The following EPHA5 variants were observed in gnomAD, a reference collection of about 807,000 sequenced individuals.
EPHA5 encodes EPH receptor A5.
Under a neutral mutation model 105.0 loss-of-function variants are expected in EPHA5, and 60 were observed. The observed-to-expected ratio is 0.57, with a 90% confidence interval of 0.46 to 0.71. EPHA5 has a LOEUF of 0.71. Among genes scored for constraint, EPHA5 ranks in the 30% least tolerant of loss-of-function variants. The pLI, the probability that EPHA5 is intolerant of heterozygous loss-of-function variation, is 0.00. For missense variants in EPHA5, 1,218 were observed against 1,274.7 expected, an observed-to-expected ratio of 0.96 and a Z score of 0.68; for synonymous variants, 513 against 449.1, an observed-to-expected ratio of 1.14 and a Z score of -1.80.
At chr4:65,420,339 A>G in intron 6 of EPHA5, 102 bp downstream of exon 6, 3 of 1,141,166 alleles carry the variant, frequency 2.6e-6, no homozygotes, top group Non-Finnish European at 3.7e-6. Flanking sequence ...TCATTGATTT[A>G]CACATAAAAT....
chr4:65,342,165 G>C (rs201776293), intron 14 of EPHA5, among the ~76,000 whole-genome samples: 6 of 15,170 alleles, frequency 4.0e-4, no homozygotes, highest in Non-Finnish European at 9.5e-4. Context: ...TTTTTGTTTT[G>C]TTGTTGTTGT....
chr4:65,359,568 A>G (rs1717068081), intron 11 of EPHA5, among the ~76,000 whole-genome samples: 1 of 151,524 alleles, frequency 6.6e-6, no homozygotes, highest in Non-Finnish European at 1.5e-5. Flanking sequence ...TTTTGGAGGT[A>G]CTCAAGACAA....
At chr4:65,614,583 T>A (rs1745059335) in intron 2 of EPHA5, among the ~76,000 whole-genome samples, 1 of 151,858 alleles carries the variant, frequency 6.6e-6, no homozygotes, top group African/African-American at 2.4e-5. Flanking sequence ...CTCCTGGATA[T>A]CACAAGCTCT....
intron 8 of EPHA5, among the ~76,000 whole-genome samples, chr4:65,403,105 T>C (rs1722010861): frequency 6.6e-6 from 1 of 152,168 alleles, no homozygotes; most frequent in Non-Finnish European, 1.5e-5. Flanking sequence ...TTAAGAAAAC[T>C]TCAAACACTC....
intron 3 of EPHA5, among the ~76,000 whole-genome samples, chr4:65,571,528 T>C (rs936674128): frequency 7.9e-5 from 12 of 152,120 alleles, no homozygotes; most frequent in Admixed American, 5.2e-4. Flanking sequence ...TAAATAGGAC[T>C]GAACAATGAG....
intron 3 of EPHA5, among the ~76,000 whole-genome samples, chr4:65,515,414 T>C (rs2149268048): frequency 6.6e-6 from 1 of 152,280 alleles, no homozygotes; most frequent in South Asian, 2.1e-4. Flanking sequence ...GGTTGTATTA[T>C]ACCCATATAT....
intron 2 of EPHA5, among the ~76,000 whole-genome samples, chr4:65,640,497 A>G (rs1747567047): frequency 6.6e-6 from 1 of 151,990 alleles, no homozygotes; most frequent in Non-Finnish European, 1.5e-5. Flanking sequence ...CGTGTTAGCC[A>G]GGATGGTCTC....
intron 13 of EPHA5, among the ~76,000 whole-genome samples, chr4:65,350,519 T>C (rs1722717333): frequency 6.6e-6 from 1 of 152,092 alleles, no homozygotes; most frequent in Non-Finnish European, 1.5e-5. Flanking sequence ...CAATGACAGA[T>C]CTCTATCTTC....
chr4:65,656,697 T>C (rs1234594183), intron 1 of EPHA5, among the ~76,000 whole-genome samples: 3 of 150,594 alleles, frequency 2.0e-5, no homozygotes, highest in Non-Finnish European at 4.4e-5. Context: ...CACTGAAGCC[T>C]CAACCTCCCA....
intron 5 of EPHA5, among the ~76,000 whole-genome samples, chr4:65,438,653 T>C (rs938399919): frequency 2.6e-5 from 4 of 151,914 alleles, no homozygotes; most frequent in Admixed American, 1.3e-4. Flanking sequence ...ACAAAGAACA[T>C]TTTAAAAGTG....
chr4:65,456,045 T>C (rs1280918444), intron 5 of EPHA5, among the ~76,000 whole-genome samples: 2 of 152,196 alleles, frequency 1.3e-5, no homozygotes, highest in African/African-American at 4.8e-5. Flanking sequence ...TTTTTTCTAC[T>C]TAAATGGACA....
intron 13 of EPHA5, among the ~76,000 whole-genome samples, chr4:65,350,509 CAA>C (rs1364366607): frequency 6.6e-6 from 1 of 151,974 alleles, no homozygotes; most frequent in East Asian, 1.9e-4. Context: ...GAAAAATAAA[CAA>C]TGACAGATCT....
intron 5 of EPHA5, among the ~76,000 whole-genome samples, chr4:65,430,847 G>A (rs1228864857): frequency 6.6e-6 from 1 of 152,000 alleles, no homozygotes; most frequent in African/African-American, 2.4e-5. Flanking sequence ...GTATATAAAT[G>A]TCTTAATTTT....
intron 3 of EPHA5, among the ~76,000 whole-genome samples, chr4:65,569,425 A>G (rs1432331406): frequency 1.3e-5 from 2 of 151,684 alleles, no homozygotes; most frequent in South Asian, 2.1e-4. Flanking sequence ...CAGATATATC[A>G]GTATAAGAAT....
chr4:65,601,818 C>T lies in EPHA5; in HGVS notation c.733G>A (p.Asp245Asn), dbSNP rs756392572. ...GAAGAATCAGCTCCAGTGATGGTGT[C>T]AGGGAAGACAGCCAAGTGTCGTACC... ...SVVRHLAVFP[D>N]TITGADSSQL... The change falls in exon 3 of 17, where the codon GAC (aspartate) becomes AAC (asparagine). Residue 245 changes from aspartate (D) to asparagine (N), a missense_variant. Asp to Asn is a conservative substitution (Grantham distance 23). Around this residue, in one of 3 missense-constraint regions of EPHA5, gnomAD observed 971 missense variants for 1,013.5 expected, o/e 0.96. Transcript: ENST00000613740. 1 of 1,614,098 alleles carries T rather than the reference C, an allele frequency of 6.2e-7. No individual in the cohort carries two copies. Among genetic ancestry groups the T allele is most frequent in the East Asian group, 2.2e-5 (1 of 44,862 alleles).
At chr4:65,351,649 A>G (rs1167604339) in intron 12 of EPHA5, 51 bp from the exon 13 acceptor site, 2 of 1,523,642 alleles carry the variant, frequency 1.3e-6, no homozygotes, top group Non-Finnish European at 1.8e-6. Context: ...TCACTGGGGG[A>G]AAATATGAGA....
chr4:65,588,276 T>A (rs1332956481), intron 3 of EPHA5, among the ~76,000 whole-genome samples: 1 of 152,188 alleles, frequency 6.6e-6, no homozygotes, highest in East Asian at 1.9e-4. Flanking sequence ...AATTCTGATA[T>A]TCAGAATCTT....
chr4:65,669,535 C>T (rs2149570334), intron 1 of EPHA5, 27 bp downstream of exon 1: 19 of 1,358,672 alleles, frequency 1.4e-5, no homozygotes, highest in East Asian at 2.8e-5. Flanking sequence ...CCCCAGGTCG[C>T]CACGGTCCCC....
In EPHA5 at chr4:65,573,464, G is replaced by A. The variant is rs1483399326; in HGVS notation, c.910+28177C>T. ...GCTCTTTCCCATCTTGCAAGATGGC[G>A]GGTGAAAAAGTTTAGAAGCCAGATA... On this transcript the variant is annotated intron_variant, in intron 3 of 16. Coordinates refer to ENST00000613740, the MANE Select transcript of EPHA5 (RefSeq NM_001281766.3). The A allele has an allele frequency of 9.0e-6, 13 of 1,445,804 alleles. No homozygotes were observed. In the African/African-American group the frequency reaches 1.2e-4, roughly 13 times the overall value. The allele number at this position is 1,445,804 out of a possible 1,614,324, so 89.6% of individuals were successfully genotyped here.
Sources: gnomAD v4.1 joint callset for allele counts (sites outside exome capture counted in the v4.1 genomes callset) on GRCh38, gnomAD v4.1.1 for gene constraint, gnomAD v4.1.1 regional missense constraint, MANE v1.5 for transcripts, NCBI Gene and HGNC (gene_info 2026-07-23, HGNC 2026-07-21) for gene names.